The following KALRN variants were observed in gnomAD, a reference collection of about 807,000 sequenced individuals.
The protein encoded by KALRN is kalirin.
In KALRN, 70 loss-of-function variants were observed where a neutral mutation model predicts 353.7. That is an observed-to-expected ratio of 0.20 (90% CI 0.16 to 0.24). The LOEUF is 0.24. Ranked by LOEUF, KALRN falls within the 10% of genes least tolerant of loss-of-function variation. KALRN has a pLI of 1.00. For synonymous variants in KALRN, 1,391 were observed against 1,434.8 expected (o/e 0.97, Z 0.69); for missense variants, 2,791 against 3,756.7 (o/e 0.74, Z 6.72).
At chr3:124,296,060 T>C (rs945732578) in intron 5 of KALRN, among the ~76,000 whole-genome samples, 1 of 152,156 alleles carries the variant, frequency 6.6e-6, no homozygotes, top group Non-Finnish European at 1.5e-5. Flanking sequence ...TTGGTGTAAG[T>C]AGATGGAAGT....
intron 6 of KALRN, among the ~76,000 whole-genome samples, chr3:124,313,028 G>A (rs2078434891): frequency 6.6e-6 from 1 of 152,146 alleles, no homozygotes; most frequent in African/African-American, 2.4e-5. Flanking sequence ...TAGGAAGGTA[G>A]GGCCTTTATT....
intron 5 of KALRN, among the ~76,000 whole-genome samples, chr3:124,295,245 T>C (rs1399753578): frequency 1.3e-5 from 2 of 152,180 alleles, no homozygotes; most frequent in Non-Finnish European, 2.9e-5. Context: ...AGCAGGTCTT[T>C]TTCTCTCTAC....
At chr3:124,329,635 T>C (rs2080300638) in intron 7 of KALRN, among the ~76,000 whole-genome samples, 1 of 152,182 alleles carries the variant, frequency 6.6e-6, no homozygotes, top group Non-Finnish European at 1.5e-5. Context: ...AGTTTCATAA[T>C]AGTCAATTTT....
At chr3:124,535,464 G>A (rs760696629) in intron 33 of KALRN, among the ~76,000 whole-genome samples, 2 of 152,176 alleles carry the variant, frequency 1.3e-5, no homozygotes, top group Non-Finnish European at 2.9e-5. Context: ...CCTTCAGTCT[G>A]CTTCAATCTG....
At chr3:124,202,710 T>C (rs930371737) in intron 1 of KALRN, among the ~76,000 whole-genome samples, 2 of 152,182 alleles carry the variant, frequency 1.3e-5, no homozygotes, top group African/African-American at 4.8e-5. Flanking sequence ...CCTTCTGTGA[T>C]TATTTCTTAC....
At chr3:124,163,519 C>A in intron 1 of KALRN, 1 of 803,220 alleles carries the variant, frequency 1.2e-6, no homozygotes, top group Non-Finnish European at 1.5e-6. Context: ...TCTAATGCTG[C>A]ATTATGGCAT....
intron 10 of KALRN, among the ~76,000 whole-genome samples, chr3:124,382,720 C>G (rs1254808272): frequency 6.6e-6 from 1 of 152,120 alleles, no homozygotes; most frequent in African/African-American, 2.4e-5. Context: ...CGGGGGGAAT[C>G]CTGAGACTCT....
intron 33 of KALRN, among the ~76,000 whole-genome samples, chr3:124,502,431 A>G (rs1421196494): frequency 6.6e-6 from 1 of 152,006 alleles, no homozygotes; most frequent in South Asian, 2.1e-4. Flanking sequence ...GAGCTGGGAC[A>G]TGGGTGCCCT....
chr3:124,231,653 A>G (rs2079164770), intron 2 of KALRN, among the ~76,000 whole-genome samples: 1 of 152,170 alleles, frequency 6.6e-6, no homozygotes, highest in Non-Finnish European at 1.5e-5. Context: ...GAATTACAAT[A>G]TCCATTAAAA....
chr3:124,316,658 G>A (rs919465659), intron 6 of KALRN, among the ~76,000 whole-genome samples: 1 of 152,154 alleles, frequency 6.6e-6, no homozygotes, highest in Non-Finnish European at 1.5e-5. Context: ...TCTATTTTAT[G>A]TAGCACTCTC....
chr3:124,175,948 C>T (rs144627109), intron 1 of KALRN, among the ~76,000 whole-genome samples: 19 of 152,184 alleles, frequency 1.2e-4, no homozygotes, highest in Non-Finnish European at 2.2e-4. Context: ...CCCTCTTTCT[C>T]AAGACCTAAA....
At chr3:124,035,225 T>TTCTCTC (rs112624246) in intron 1 of KALRN, among the ~76,000 whole-genome samples, 1 of 150,718 alleles carries the variant, frequency 6.6e-6, no homozygotes, top group African/African-American at 2.4e-5. Context: ...ATTTTCTTTC[T>TTCTCTC]TCTCTCTCTC....
intron 17 of KALRN, among the ~76,000 whole-genome samples, chr3:124,437,183 T>C (rs2093496308): frequency 6.6e-6 from 1 of 151,812 alleles, no homozygotes; most frequent in South Asian, 2.1e-4. Flanking sequence ...TCTCATGTGA[T>C]GCTAGAGATG....
chr3:124,694,907 C>T (rs1023708860), intron 53 of KALRN, among the ~76,000 whole-genome samples: 2 of 152,206 alleles, frequency 1.3e-5, no homozygotes, highest in Admixed American at 6.5e-5. Flanking sequence ...TTTACAGTCA[C>T]TGCCTTACAT....
intron 54 of KALRN, 30 bp from the exon 55 acceptor site, chr3:124,697,563 A>AGC: frequency 6.4e-7 from 1 of 1,555,304 alleles, no homozygotes; most frequent in Non-Finnish European, 8.7e-7. Flanking sequence ...CTGCAGAAAT[A>AGC]GCACCTGATC....
intron 3 of KALRN, among the ~76,000 whole-genome samples, chr3:124,247,425 A>G (rs1205989921): frequency 3.9e-5 from 6 of 152,222 alleles, no homozygotes; most frequent in African/African-American, 7.2e-5. Flanking sequence ...TAGATAAAAT[A>G]ATGTTTGTGA....
At chr3:124,286,747 TC>T (rs1255704249) in intron 5 of KALRN, among the ~76,000 whole-genome samples, 2 of 152,128 alleles carry the variant, frequency 1.3e-5, no homozygotes, top group Admixed American at 6.5e-5. Context: ...TTTTGTCCCT[TC>T]CCCCCATTTT....
chr3:124,693,948 A>G, intron 52 of KALRN, 117 bp downstream of exon 52: 1 of 719,832 alleles, frequency 1.4e-6, no homozygotes, highest in African/African-American at 1.8e-5. Flanking sequence ...TCAATGGACA[A>G]GGAAAGAGGT....
chr3:124,265,237 A>G (rs922997538), intron 4 of KALRN, among the ~76,000 whole-genome samples: 8 of 150,094 alleles, frequency 5.3e-5, no homozygotes, highest in African/African-American at 2.0e-4. Context: ...ATTGAATACT[A>G]GAACTTATTC....
Sources: gnomAD v4.1 joint callset for allele counts (sites outside exome capture counted in the v4.1 genomes callset) on GRCh38, gnomAD v4.1.1 for gene constraint, MANE v1.5 for transcripts, NCBI Gene and HGNC (gene_info 2026-07-23, HGNC 2026-07-21) for gene names.